The following IFT88 variants were observed in gnomAD, a reference collection of about 807,000 sequenced individuals.
IFT88 encodes intraflagellar transport protein 88 homolog.
IFT88 carries 74 observed loss-of-function variants against 119.5 expected under a neutral mutation model. That is an observed-to-expected ratio of 0.62 (90% confidence interval 0.51 to 0.75). The LOEUF (loss-of-function observed/expected upper bound fraction) is 0.75. Ranked by LOEUF, IFT88 falls within the 30% of genes least tolerant of loss-of-function variation. The probability of loss-of-function intolerance (pLI) is 0.00; values close to 1 mark genes in which losing one functional copy is unlikely to be tolerated. For missense variants in IFT88, 961 were observed against 977.7 expected (o/e 0.98, Z 0.23); for synonymous variants, 279 against 316.7 (o/e 0.88, Z 1.26).
intron 13 of IFT88, among the ~76,000 whole-genome samples, chr13:20,614,812 C>CTTTTATTT: frequency 9.8e-6 from 1 of 101,848 alleles, no homozygotes. Context: ...AAGATTATTT[C>CTTTTATTT]TTTTCTTTTT....
At chr13:20,640,868 G>C (rs1041246873) in intron 17 of IFT88, among the ~76,000 whole-genome samples, 1 of 151,802 alleles carries the variant, frequency 6.6e-6, no homozygotes, top group Non-Finnish European at 1.5e-5. Flanking sequence ...TCAGTTGGCC[G>C]GGTGTGGTGG....
chr13:20,621,526 TAAAAAAAAAAAAA>T (rs200491393), intron 14 of IFT88, among the ~76,000 whole-genome samples: 121 of 130,790 alleles, frequency 9.3e-4, no homozygotes, highest in African/African-American at 3.5e-3. Context: ...CCTGCTGAGA[TAAAAAAAAAAAAA>T]AAAAAAAAAA....
intron 9 of IFT88, 152 bp downstream of exon 9, chr13:20,597,271 GTCTTTGTTTTGTGCAAAGAGCTCTTT>G: frequency 2.0e-6 from 1 of 503,646 alleles, no homozygotes; most frequent in South Asian, 3.5e-5. Context: ...AAACACTCTT[GTCTTTGTTTTGTGCAAAGAGCTCTTT>G]TCTTTAGTTA....
At position 20,641,368 on chromosome 13, in the gene IFT88, G is replaced by T. The variant is rs758926941; in HGVS notation, c.1652G>T (p.Ser551Ile). 1 of 1,611,584 alleles carries T rather than the reference G, an allele frequency of 6.2e-7. No individual in the cohort carries two copies. Among genetic ancestry groups the T allele is most frequent in the Non-Finnish European group, 8.5e-7 (1 of 1,178,310 alleles). ...FLKLHAILRN[S>I]AEVLYQIANI... ...AAACTTCACGCAATCCTACGAAACA[G>T]TGCCGAAGTTCTTTACCAGATAGCA... Residue 551 changes from serine to isoleucine, a missense_variant, in exon 18 of 26, where the codon AGT (serine) becomes ATT (isoleucine). Ser to Ile is a moderately radical substitution (Grantham distance 142). Transcript: ENST00000351808.
At chr13:20,677,531 T>C (rs921357129) in intron 24 of IFT88, among the ~76,000 whole-genome samples, 2 of 152,198 alleles carry the variant, frequency 1.3e-5, no homozygotes, top group African/African-American at 2.4e-5. Context: ...CAAAGGAAGA[T>C]CAGCTTCCTG....
Position 20,600,033 on chromosome 13 carries a change from A to G in IFT88, c.812+468A>G, listed in dbSNP as rs573961177. Among the ~76,000 whole-genome samples, 10 of 152,244 alleles carry G rather than the reference A, an allele frequency of 6.6e-5. No homozygotes were observed. The East Asian group carries it at 1.9e-3, about 29-fold the overall frequency. ...AGGAGCAGAAACAGTAAGTTCTCTT[A>G]TGGTCTAGTGATAACTGTGGGGACA... On this transcript the variant is annotated intron_variant, in intron 11 of 25. Coordinates refer to ENST00000351808, the MANE Select transcript of IFT88 (RefSeq NM_006531.5).
chr13:20,662,388 G>A (rs1044358553), intron 22 of IFT88, among the ~76,000 whole-genome samples: 1 of 152,052 alleles, frequency 6.6e-6, no homozygotes, highest in Non-Finnish European at 1.5e-5. Flanking sequence ...AGAGGAGCTG[G>A]TACCATTCCT....
intron 2 of IFT88, among the ~76,000 whole-genome samples, chr13:20,582,549 G>A (rs2038901873): frequency 6.6e-6 from 1 of 151,992 alleles, no homozygotes; most frequent in African/African-American, 2.4e-5. Context: ...CTATCCTGAG[G>A]TAGGGTGGGA....
chr13:20,583,445 A>G (rs886547026), intron 3 of IFT88, among the ~76,000 whole-genome samples: 10 of 152,114 alleles, frequency 6.6e-5, no homozygotes, highest in African/African-American at 2.4e-4. Context: ...TTTATACCAC[A>G]TTTTGTTTAT....
intron 22 of IFT88, 141 bp downstream of exon 22, chr13:20,656,571 G>C (rs1011496031): frequency 2.6e-6 from 1 of 384,488 alleles, no homozygotes; most frequent in South Asian, 1.1e-4. Flanking sequence ...TATTTTTATA[G>C]CATCAGAAAA....
chr13:20,637,903 G>T (rs920969014), intron 16 of IFT88, among the ~76,000 whole-genome samples: 1 of 152,144 alleles, frequency 6.6e-6, no homozygotes, highest in Non-Finnish European at 1.5e-5. Flanking sequence ...CGAGCATTTG[G>T]CATGGAGACG....
At chr13:20,672,858 G>A (rs184347918) in intron 24 of IFT88, among the ~76,000 whole-genome samples, 7 of 142,348 alleles carry the variant, frequency 4.9e-5, no homozygotes, top group African/African-American at 1.7e-4. Context: ...AGAGCTCTTT[G>A]GAATTTGGAA....
chr13:20,638,952 A>G (rs754924771), intron 17 of IFT88, among the ~76,000 whole-genome samples: 4 of 152,200 alleles, frequency 2.6e-5, no homozygotes, highest in Non-Finnish European at 5.9e-5. Flanking sequence ...AGTTTGACAC[A>G]TTTTCACATT....
intron 24 of IFT88, among the ~76,000 whole-genome samples, chr13:20,684,181 A>G (rs752627167): frequency 6.6e-6 from 1 of 152,216 alleles, no homozygotes; most frequent in Non-Finnish European, 1.5e-5. Context: ...CCAAGCATCC[A>G]TATCACCTTC....
At chr13:20,582,894 A>T in intron 2 of IFT88, 63 bp from the exon 3 acceptor site, 1 of 1,320,996 alleles carries the variant, frequency 7.6e-7, no homozygotes, top group Non-Finnish European at 1.1e-6. Flanking sequence ...ACAGCAGTTT[A>T]AACTTATTTT....
chr13:20,685,410 C>T (rs1238919762), intron 24 of IFT88, among the ~76,000 whole-genome samples: 2 of 152,168 alleles, frequency 1.3e-5, no homozygotes, highest in Non-Finnish European at 2.9e-5. Context: ...TTGCTACCAG[C>T]ACAAACTAAC....
intron 23 of IFT88, among the ~76,000 whole-genome samples, chr13:20,668,612 C>T (rs2055190979): frequency 1.3e-5 from 2 of 152,086 alleles, no homozygotes. Flanking sequence ...AAAAAAACAC[C>T]ACATTCTCTG....
chr13:20,615,896 A>G lies in IFT88; in HGVS notation c.1199+17A>G. 3 of 1,400,106 alleles carry G rather than the reference A, an allele frequency of 2.1e-6. No homozygotes were observed. The highest frequency in any genetic ancestry group is 3.0e-6 in the Non-Finnish European group (3 of 1,011,466). The allele number at this position is 1,400,106 out of a possible 1,614,324, so 86.7% of individuals were successfully genotyped here. A position where few individuals can be genotyped will look rare whatever the true frequency, so the allele number is the denominator to read the frequency against. Reference sequence around the variant, plus strand: ...TTATGATTGGTAAGAGAGAAAGTCTATAATACTGCATAGATGTGGTTTTTT... The same window carrying G: ...TTATGATTGGTAAGAGAGAAAGTCTGTAATACTGCATAGATGTGGTTTTTT... On this transcript the variant is annotated intron_variant, in intron 14 of 25. Transcript: ENST00000351808.
At chr13:20,648,315 G>C (rs1334492025) in intron 20 of IFT88, among the ~76,000 whole-genome samples, 1 of 152,164 alleles carries the variant, frequency 6.6e-6, no homozygotes, top group Non-Finnish European at 1.5e-5. Context: ...AGAATCGCTT[G>C]AACCCGGGAG....
Sources: gnomAD v4.1 joint callset for allele counts (sites outside exome capture counted in the v4.1 genomes callset) on GRCh38, gnomAD v4.1.1 for gene constraint, MANE v1.5 for transcripts, NCBI Gene and HGNC (gene_info 2026-07-23, HGNC 2026-07-21) for gene names.